TENM4: variants seen among roughly 807,000 people sequenced by gnomAD.
TENM4 encodes teneurin transmembrane protein 4, also known as teneurin-4.
A neutral mutation model predicts 243.3 loss-of-function variants in TENM4; 82 were observed. That is an observed-to-expected ratio of 0.34 (90% CI 0.28 to 0.40). The LOEUF is 0.40. TENM4 is among the 10% of genes least tolerant of loss of function. The pLI is 1.00. For synonymous variants in TENM4, 1,412 were observed against 1,456.3 expected (o/e 0.97, Z 0.69); for missense variants, 3,138 against 3,673.3 (o/e 0.85, Z 3.77).
At chr11:79,362,314 G>T (rs988835108) in intron 1 of TENM4, among the ~76,000 whole-genome samples, 7 of 152,140 alleles carry the variant, frequency 4.6e-5, no homozygotes, top group Non-Finnish European at 1.0e-4. Context: ...CAGCAGAGGG[G>T]GAAATAATAC....
intron 2 of TENM4, among the ~76,000 whole-genome samples, chr11:79,289,399 C>T (rs971506249): frequency 1.3e-5 from 2 of 152,208 alleles, no homozygotes; most frequent in African/African-American, 4.8e-5. Flanking sequence ...TTGCTGTTGG[C>T]TGCTGACAGG....
chr11:79,399,081 T>C (rs558677777), intron 1 of TENM4, among the ~76,000 whole-genome samples: 13 of 152,304 alleles, frequency 8.5e-5, no homozygotes, highest in African/African-American at 3.1e-4. Context: ...GATGTCACTG[T>C]AACTACCCTG....
At chr11:79,188,855 G>C (rs1317551713) in intron 3 of TENM4, among the ~76,000 whole-genome samples, 6 of 152,146 alleles carry the variant, frequency 3.9e-5, no homozygotes, top group Admixed American at 2.0e-4. Context: ...AGTACTGGGG[G>C]ACCAGATGTG....
At chr11:79,250,621 A>G (rs146955651) in intron 2 of TENM4, among the ~76,000 whole-genome samples, 10 of 152,376 alleles carry the variant, frequency 6.6e-5, no homozygotes, top group African/African-American at 2.4e-4. Flanking sequence ...CAGGCCTTAA[A>G]AAAAGGAGCG....
rs1355524429 is a variant in TENM4 at position 78,670,363 on chromosome 11, C to T, written c.5982G>A (p.Glu1994=). The change falls in exon 32 of 34, where the codon GAG becomes GAA. Residue 1994 remains glutamate, a synonymous_variant. Transcript: ENST00000278550. ...GNASVIQDFT[E]DGHLLHTFYL... is the part of the protein sequence containing the mutation. ...AGAAGGTGTGAAGGAGGTGCCCATCCTCAGTGAAGTCCTGTATGACTGAGG... is the reference window on the plus strand; with the variant it reads ...AGAAGGTGTGAAGGAGGTGCCCATCTTCAGTGAAGTCCTGTATGACTGAGG... 6 of 1,613,832 alleles carry T rather than the reference C, an allele frequency of 3.7e-6. No homozygotes were observed. Among genetic ancestry groups the T allele is most frequent in the African/African-American group, 1.3e-5 (1 of 74,928 alleles).
intron 2 of TENM4, among the ~76,000 whole-genome samples, chr11:79,250,498 C>G (rs576107078): frequency 6.6e-6 from 1 of 152,326 alleles, no homozygotes; most frequent in Non-Finnish European, 1.5e-5. Context: ...GGAAGAAAGC[C>G]ACACATTCTC....
Position 78,805,424 on chromosome 11 carries a change from C to T in TENM4, c.2047G>A (p.Gly683Arg). The T allele has an allele frequency of 1.2e-6, 2 of 1,603,014 alleles. No homozygotes were observed. Among genetic ancestry groups the T allele is most frequent in the Non-Finnish European group, 1.7e-6 (2 of 1,174,816 alleles). Residue 683 changes from glycine to arginine, a missense_variant, in exon 15 of 34, where the codon GGA becomes AGA. Physicochemically the swap from Gly to Arg is moderately radical, Grantham distance 125 (BLOSUM62 -2). Around this residue, in one of 2 missense-constraint regions of TENM4, gnomAD observed 2,467 missense variants for 3,059.1 expected, o/e 0.81. Coordinates refer to ENST00000278550, the MANE Select transcript of TENM4 (RefSeq NM_001098816.3). ...CVRGECHCSV[G>R]WGGTNCETPR... ...GTCTCGCAGTTGGTGCCTCCCCATC[C>T]CACAGAGCAGTGGCATTCGCCTCTC...
chr11:78,809,082 C>T (rs1168613236), intron 14 of TENM4, among the ~76,000 whole-genome samples: 1 of 152,132 alleles, frequency 6.6e-6, no homozygotes, highest in East Asian at 1.9e-4. Flanking sequence ...CCTATAAATC[C>T]CCATCATTAG....
chr11:79,011,637 C>T (rs674748), intron 6 of TENM4, among the ~76,000 whole-genome samples: 67,437 of 152,084 alleles, frequency 0.44, 15,646 homozygotes, highest in Middle Eastern at 0.54. Flanking sequence ...CAGGGGTCTG[C>T]ACCCCCGCTG....
chr11:78,658,048 G>A lies in TENM4; in HGVS notation c.*10C>T. 6.2e-7 allele frequency: 1 copy of A among 1,610,948 alleles called. No homozygotes were observed. The highest frequency in any genetic ancestry group is 1.1e-5 in the South Asian group (1 of 90,926). On this transcript the variant is annotated 3_prime_UTR_variant, in exon 34 of 34. Transcript: ENST00000278550. The stretch of plus-strand genomic sequence containing the variant: ...AGCTGTCTTTGGCAAGAAGTCCTTG[G>A]TCCTCTCTGTCACCTCCGGCCCATC...
chr11:79,216,667 C>A (rs1864056730), intron 2 of TENM4, among the ~76,000 whole-genome samples: 1 of 152,206 alleles, frequency 6.6e-6, no homozygotes, highest in Non-Finnish European at 1.5e-5. Context: ...GCCCCTCATG[C>A]TTGTCTCTTT....
intron 4 of TENM4, among the ~76,000 whole-genome samples, chr11:79,111,331 G>C (rs1009286196): frequency 6.6e-6 from 1 of 152,126 alleles, no homozygotes; most frequent in Non-Finnish European, 1.5e-5. Context: ...AGATTACAAG[G>C]TCAGGAGATT....
chr11:78,990,725 C>A lies in TENM4; in HGVS notation c.493+74013G>T, dbSNP rs564399456. ...CAGGATGGGTGTTGATGCTAAAGACCTTTACTTTTCATTTTACACCCTTTA... is the reference window on the plus strand; with the variant it reads ...CAGGATGGGTGTTGATGCTAAAGACATTTACTTTTCATTTTACACCCTTTA... On this transcript the variant is annotated intron_variant, in intron 6 of 33. Coordinates refer to ENST00000278550, the MANE Select transcript of TENM4 (RefSeq NM_001098816.3). 4.6e-5 allele frequency among the ~76,000 whole-genome samples: 7 copies of A among 152,150 alleles called. No individual in the cohort carries two copies. In the South Asian group the frequency reaches 1.5e-3, roughly 32 times the overall value.
chr11:78,893,848 G>A (rs765595057), intron 7 of TENM4, among the ~76,000 whole-genome samples: 15 of 141,600 alleles, frequency 1.1e-4, no homozygotes, highest in South Asian at 6.5e-4. Context: ...AAGCAATACC[G>A]GAGCAAGGGG....
chr11:78,835,351 C>T (rs1401848052), intron 12 of TENM4, among the ~76,000 whole-genome samples: 1 of 152,092 alleles, frequency 6.6e-6, no homozygotes, highest in Non-Finnish European at 1.5e-5. Flanking sequence ...ACTAAAAATA[C>T]AAAAATTAGC....
chr11:79,356,729 C>T (rs1390829635), intron 1 of TENM4, among the ~76,000 whole-genome samples: 1 of 151,502 alleles, frequency 6.6e-6, no homozygotes, highest in Non-Finnish European at 1.5e-5. Flanking sequence ...ATTATTAGTC[C>T]TAAATGATGG....
chr11:79,168,591 G>C (rs75091420), intron 3 of TENM4, among the ~76,000 whole-genome samples: 3,877 of 152,282 alleles, frequency 0.025, 179 homozygotes, highest in African/African-American at 0.089. Flanking sequence ...CATCTTGGTA[G>C]CTGGTTGATA....
intron 6 of TENM4, among the ~76,000 whole-genome samples, chr11:78,931,744 T>C (rs1227180253): frequency 6.6e-6 from 1 of 152,184 alleles, no homozygotes; most frequent in Non-Finnish European, 1.5e-5. Context: ...ATCAGACAGA[T>C]CAGGATTTCC....
intron 6 of TENM4, among the ~76,000 whole-genome samples, chr11:78,997,868 G>A (rs975774309): frequency 2.0e-5 from 3 of 152,172 alleles, no homozygotes; most frequent in Non-Finnish European, 4.4e-5. Flanking sequence ...AAGTAATGAA[G>A]GTGGGACCGT....
Sources: allele counts gnomAD v4.1 joint callset (sites outside exome capture counted in the v4.1 genomes callset), GRCh38; gene constraint gnomAD v4.1.1; regional missense constraint gnomAD v4.1.1; transcripts MANE v1.5; gene names NCBI Gene and HGNC (gene_info 2026-07-23, HGNC 2026-07-21).